The following SIPA1L3 variants were observed in gnomAD, a reference collection of about 807,000 sequenced individuals.
The protein encoded by SIPA1L3 is signal induced proliferation associated 1 like 3.
SIPA1L3 carries 59 observed loss-of-function variants against 150.1 expected under a neutral mutation model. That is an observed-to-expected ratio of 0.39 (90% CI 0.32 to 0.49). The LOEUF (loss-of-function observed/expected upper bound fraction) is 0.49. SIPA1L3 is among the 20% of genes least tolerant of loss of function. SIPA1L3 has a pLI of 0.86. For missense variants in SIPA1L3, 2,211 were observed against 2,489.5 expected, an observed-to-expected ratio of 0.89 and a Z score of 2.38; for synonymous variants, 1,070 against 1,077.6, an observed-to-expected ratio of 0.99 and a Z score of 0.14.
intron 4 of SIPA1L3, among the ~76,000 whole-genome samples, chr19:38,094,423 G>C (rs1970331950): frequency 6.6e-6 from 1 of 152,030 alleles, no homozygotes; most frequent in African/African-American, 2.4e-5. Context: ...TAATAATTTT[G>C]TTTTATTTTT....
intron 6 of SIPA1L3, among the ~76,000 whole-genome samples, chr19:38,105,309 G>C (rs1460345699): frequency 2.6e-5 from 4 of 151,810 alleles, no homozygotes; most frequent in African/African-American, 9.7e-5. Flanking sequence ...AGGTTGCAGA[G>C]AGCCCACATT....
intron 1 of SIPA1L3, 47 bp from the exon 2 acceptor site, chr19:38,029,042 G>A (rs969848792): frequency 3.3e-5 from 5 of 152,082 alleles, no homozygotes; most frequent in African/African-American, 1.2e-4. Context: ...ACTGCAGGAA[G>A]GCTTAAGTTG....
chr19:38,106,662 C>T (rs1473042297), intron 7 of SIPA1L3, 22 bp downstream of exon 7: 12 of 1,550,130 alleles, frequency 7.7e-6, no homozygotes, highest in Non-Finnish European at 1.1e-5. Context: ...TCAGCAGAGG[C>T]ACGGCTGCCG....
intron 4 of SIPA1L3, among the ~76,000 whole-genome samples, chr19:38,092,533 C>A (rs1431998646): frequency 6.6e-6 from 1 of 152,190 alleles, no homozygotes; most frequent in Non-Finnish European, 1.5e-5. Context: ...CACTTCCCAC[C>A]CCCAGCACCT....
rs34936249 is a variant in SIPA1L3, at chr19:37,911,250, CGTGTGTGT to C, written c.-379+3905_-379+3912del. On this transcript the variant is annotated intron_variant, in intron 1 of 21. Coordinates refer to ENST00000222345, the MANE Select transcript of SIPA1L3 (RefSeq NM_015073.3). ...TATTGATTATGTTTGTATGTATGTGCGTGTGTGTGTGTGTGTGTGTATCGACTGTTTTC... is the reference window on the plus strand; with the variant it reads ...TATTGATTATGTTTGTATGTATGTGCGTGTGTGTGTGTATCGACTGTTTTC... 2.0e-5 allele frequency among the ~76,000 whole-genome samples: 3 copies of C among 149,636 alleles called. No homozygotes were observed. The Admixed American group carries it at 2.0e-4, about 10-fold the overall frequency.
At chr19:37,969,014 A>G (rs1643466) in intron 1 of SIPA1L3, among the ~76,000 whole-genome samples, 41,881 of 152,100 alleles carry the variant, frequency 0.28, 6,891 homozygotes, top group East Asian at 0.62. Context: ...AACAGAGACA[A>G]TGGCTGCTAG....
chr19:38,187,160 A>C (rs1272197105), intron 16 of SIPA1L3, among the ~76,000 whole-genome samples: 1 of 151,026 alleles, frequency 6.6e-6, no homozygotes, highest in Non-Finnish European at 1.5e-5. Context: ...TGCATAAAAA[A>C]ATTTTTTTCA....
At chr19:37,928,419 A>G (rs555074627) in intron 1 of SIPA1L3, among the ~76,000 whole-genome samples, 18 of 152,186 alleles carry the variant, frequency 1.2e-4, no homozygotes, top group African/African-American at 4.3e-4. Flanking sequence ...AAAAATGCAA[A>G]AATTAGCCGG....
rs560457517 is a variant in SIPA1L3 at position 38,149,780 on chromosome 19, G to C, written c.3534-3060G>C. Among the ~76,000 whole-genome samples the C allele has an allele frequency of 3.5e-4, 53 of 152,298 alleles. 1 individual carries two copies. Among genetic ancestry groups the C allele is most frequent in the Admixed American group, 2.9e-3 (45 of 15,290 alleles). Reference sequence around the variant, plus strand: ...TTTATCTCATTGGCCAGAGCTGCAAGGGATCCTGGGACATGTAGTCTGGTG... The same window carrying C: ...TTTATCTCATTGGCCAGAGCTGCAACGGATCCTGGGACATGTAGTCTGGTG... On this transcript the variant is annotated intron_variant, in intron 12 of 21. Transcript: ENST00000222345.
chr19:38,068,226 TC>T (rs1419418580), intron 2 of SIPA1L3, among the ~76,000 whole-genome samples: 1 of 152,008 alleles, frequency 6.6e-6, no homozygotes, highest in Non-Finnish European at 1.5e-5. Flanking sequence ...AGACGGGGTT[TC>T]ACCGTGTTAG....
chr19:37,965,221 C>T (rs925206104), intron 1 of SIPA1L3, among the ~76,000 whole-genome samples: 14 of 151,994 alleles, frequency 9.2e-5, no homozygotes, highest in African/African-American at 3.4e-4. Context: ...TCTCTCTAGC[C>T]ATAATTTTGG....
rs1357670424 is a variant in SIPA1L3, at chr19:38,122,370, G to A, written c.2868+2488G>A. 2.0e-5 allele frequency among the ~76,000 whole-genome samples: 3 copies of A among 152,318 alleles called. No homozygotes were observed. In the East Asian group the frequency reaches 5.8e-4, roughly 29 times the overall value. Reference sequence around the variant, plus strand: ...TCCATTTGCGGATGTCAGAGCTTTGGCATCAGCCTGGGCTCCACTCTCTCT... The same window carrying A: ...TCCATTTGCGGATGTCAGAGCTTTGACATCAGCCTGGGCTCCACTCTCTCT... On this transcript the variant is annotated intron_variant, in intron 9 of 21. Transcript: ENST00000222345.
chr19:37,925,450 G>A (rs1322022030), intron 1 of SIPA1L3, among the ~76,000 whole-genome samples: 2 of 152,158 alleles, frequency 1.3e-5, no homozygotes, highest in African/African-American at 2.4e-5. Context: ...AGGCCCACAT[G>A]GCTGGAGCGG....
intron 2 of SIPA1L3, among the ~76,000 whole-genome samples, chr19:38,063,569 G>C (rs1969502468): frequency 6.6e-6 from 1 of 152,250 alleles, no homozygotes; most frequent in Non-Finnish European, 1.5e-5. Flanking sequence ...GTGGCAATTA[G>C]CTGGGATCAG....
chr19:38,016,988 C>T (rs1968250801), intron 1 of SIPA1L3, among the ~76,000 whole-genome samples: 1 of 149,776 alleles, frequency 6.7e-6, no homozygotes, highest in African/African-American at 2.5e-5. Flanking sequence ...CCTCCGGCTC[C>T]CGGGTTCAAG....
chr19:38,078,509 CATGCACACACACACAG>C (rs1416547448), intron 2 of SIPA1L3, among the ~76,000 whole-genome samples: 4 of 150,894 alleles, frequency 2.7e-5, no homozygotes, highest in African/African-American at 4.9e-5. Context: ...GGCACACAGA[CATGCACACACACACAG>C]ACGCACACAG....
chr19:38,100,107 C>A lies in SIPA1L3; in HGVS notation c.1811C>A (p.Thr604Asn). The A allele has an allele frequency of 1.2e-6, 2 of 1,602,818 alleles. No individual in the cohort carries two copies. The highest frequency in any genetic ancestry group is 1.7e-6 in the Non-Finnish European group (2 of 1,175,712). The change falls in exon 5 of 22, where the codon ACC (threonine) becomes AAC (asparagine). Residue 604 changes from threonine (T) to asparagine (N), a missense_variant. Coordinates refer to ENST00000222345, the MANE Select transcript of SIPA1L3 (RefSeq NM_015073.3). ...CACTGCCTGCGGCTGGCCCTCAACA[C>A]CCCCAAGGTGACGGAGCAACTGCTG... ...NIHCLRLALN[T>N]PKVTEQLLKL...
At chr19:38,112,184 T>C (rs184743943) in intron 8 of SIPA1L3, among the ~76,000 whole-genome samples, 107 of 149,536 alleles carry the variant, frequency 7.2e-4, no homozygotes, top group African/African-American at 2.4e-3. Context: ...TGCACACACA[T>C]ACATGCACTC....
chr19:38,083,624 A>G (rs1307270284), intron 3 of SIPA1L3, among the ~76,000 whole-genome samples: 3 of 152,190 alleles, frequency 2.0e-5, no homozygotes, highest in African/African-American at 4.8e-5. Flanking sequence ...AGGCAGGTGC[A>G]GTTTGAGTAC....
Sources: gnomAD v4.1 joint callset for allele counts (sites outside exome capture counted in the v4.1 genomes callset) on GRCh38, gnomAD v4.1.1 for gene constraint, MANE v1.5 for transcripts, NCBI Gene and HGNC (gene_info 2026-07-23, HGNC 2026-07-21) for gene names.